HP1BP3: variants seen among roughly 807,000 people sequenced by gnomAD.
HP1BP3 encodes heterochromatin protein 1 binding protein 3, also known as heterochromatin protein 1-binding protein 3.
Under a neutral mutation model 62.5 loss-of-function variants are expected in HP1BP3, and 12 were observed. The ratio of observed to expected loss-of-function variants is 0.19; its 90% CI spans 0.12 to 0.31. The LOEUF (loss-of-function observed/expected upper bound fraction) is 0.31, where lower values mean the gene tolerates loss of function less well. HP1BP3 is among the 10% of genes least tolerant of loss of function. The pLI is 1.00. For missense variants in HP1BP3, 502 were observed against 651.8 expected (o/e 0.77, Z 2.50); for synonymous variants, 260 against 237.8 (o/e 1.09, Z -0.86).
At chr1:20,770,422 C>A (rs1197618872) in intron 6 of HP1BP3, among the ~76,000 whole-genome samples, 3 of 152,142 alleles carry the variant, frequency 2.0e-5, no homozygotes, top group African/African-American at 7.2e-5. Flanking sequence ...CTCAAGCGGT[C>A]CTCCTGCCTC....
intron 9 of HP1BP3, among the ~76,000 whole-genome samples, chr1:20,750,421 G>A (rs976294045): frequency 7.2e-6 from 1 of 139,608 alleles, no homozygotes; most frequent in African/African-American, 2.6e-5. Flanking sequence ...TCAGCTACTT[G>A]GGAGGCTGAG....
At chr1:20,767,375 G>GCA (rs1249938757) in intron 7 of HP1BP3, among the ~76,000 whole-genome samples, 1 of 152,158 alleles carries the variant, frequency 6.6e-6, no homozygotes, top group Non-Finnish European at 1.5e-5. Context: ...GCACTTAAGA[G>GCA]CACAGGCTTA....
chr1:20,767,778 G>GGA, intron 6 of HP1BP3, 114 bp from the exon 7 acceptor site: 1 of 478,286 alleles, frequency 2.1e-6, no homozygotes, highest in Admixed American at 4.0e-5. Flanking sequence ...CTTCTTCAGA[G>GGA]AAAAAAAAAA....
At chr1:20,764,586 T>C (rs2056668846) in intron 8 of HP1BP3, among the ~76,000 whole-genome samples, 2 of 150,422 alleles carry the variant, frequency 1.3e-5, no homozygotes, top group African/African-American at 2.4e-5. Flanking sequence ...AGATATTTCA[T>C]ATCTGAGAAG....
chr1:20,776,009 CAA>C (rs67814500), intron 4 of HP1BP3: 25,584 of 1,172,170 alleles, frequency 0.022, no homozygotes, highest in South Asian at 0.042. Flanking sequence ...AGCTCTCCTG[CAA>C]AAAAAAAAAA....
chr1:20,759,124 G>A (rs533821615), intron 8 of HP1BP3, among the ~76,000 whole-genome samples: 1 of 152,314 alleles, frequency 6.6e-6, no homozygotes, highest in South Asian at 2.1e-4. Context: ...TAAGTGGCCG[G>A]GCGAGGTGGC....
chr1:20,750,869 T>C (rs1428900311), intron 9 of HP1BP3, among the ~76,000 whole-genome samples: 1 of 146,342 alleles, frequency 6.8e-6, no homozygotes, highest in East Asian at 2.1e-4. Flanking sequence ...CCAGGCTGGA[T>C]TGCAATGACG....
At chr1:20,771,365 AG>A (rs1376885202) in intron 5 of HP1BP3, among the ~76,000 whole-genome samples, 1 of 152,248 alleles carries the variant, frequency 6.6e-6, no homozygotes, top group African/African-American at 2.4e-5. Context: ...TTCTGTATTT[AG>A]AAGATGAATC....
Position 20,743,118 on chromosome 1 carries a change from TTTTC to T in HP1BP3, c.*1675_*1678del, listed in dbSNP as rs1449561073. 4.6e-5 allele frequency: 7 copies of T among 150,984 alleles called. No homozygotes were observed. The highest frequency in any genetic ancestry group is 1.5e-4 in the African/African-American group (6 of 40,816). 9.4% of individuals were successfully genotyped at this position (150,984 alleles called of 1,614,324 possible). A position where few individuals can be genotyped will look rare whatever the true frequency, so the allele number is the denominator to read the frequency against. ...AGTTGGGCTTCATTTACTTTTTTCCTTTTCTTTTTTTTTTTAATATCTCAAAAAG... is the reference window on the plus strand; with the variant it reads ...AGTTGGGCTTCATTTACTTTTTTCCTTTTTTTTTTTTAATATCTCAAAAAG... On this transcript the variant is annotated 3_prime_UTR_variant, in exon 13 of 13. Coordinates refer to ENST00000438032, the MANE Select transcript of HP1BP3 (RefSeq NM_001372052.1).
intron 1 of HP1BP3, among the ~76,000 whole-genome samples, chr1:20,785,584 C>A (rs1570699420): frequency 6.6e-6 from 1 of 152,160 alleles, no homozygotes; most frequent in Non-Finnish European, 1.5e-5. Flanking sequence ...CAAACATATA[C>A]TCAGTGTCTG....
rs555427248 is a variant in HP1BP3 at position 20,779,678 on chromosome 1, C to A, written c.196+134G>T. Reference sequence around the variant, plus strand: ...AATGACATACCAATAGCTACTGATTCTCTCTAAATGTTTCCCCAAAACACT... The same window carrying A: ...AATGACATACCAATAGCTACTGATTATCTCTAAATGTTTCCCCAAAACACT... On this transcript the variant is annotated intron_variant, in intron 3 of 12. Transcript: ENST00000438032. The A allele has an allele frequency of 2.7e-4, 144 of 534,220 alleles. 3 individuals are homozygous for A. Among genetic ancestry groups the A allele is most frequent in the Non-Finnish European group, 7.8e-5 (24 of 307,268 alleles). 33.1% of individuals were successfully genotyped at this position (534,220 alleles called of 1,614,324 possible). A position where few individuals can be genotyped will look rare whatever the true frequency, so the allele number is the denominator to read the frequency against.
At chr1:20,749,982 T>C (rs1002545130) in intron 9 of HP1BP3, 100 bp from the exon 10 acceptor site, 3 of 1,506,386 alleles carry the variant, frequency 2.0e-6, no homozygotes, top group African/African-American at 1.4e-5. Flanking sequence ...GTTCCTGCAT[T>C]AGCACAGATA....
intron 9 of HP1BP3, among the ~76,000 whole-genome samples, chr1:20,753,799 A>C (rs1325012885): frequency 6.6e-6 from 1 of 152,198 alleles, no homozygotes; most frequent in Non-Finnish European, 1.5e-5. Context: ...CTGAAAAACC[A>C]CTTGACAAAT....
chr1:20,776,066 A>C (rs1205722517), intron 4 of HP1BP3: 13 of 1,359,318 alleles, frequency 9.6e-6, no homozygotes, highest in Non-Finnish European at 1.1e-5. Flanking sequence ...CTTTATATAG[A>C]TACACATCAA....
At chr1:20,761,034 T>TAGTA (rs2056438065) in intron 8 of HP1BP3, among the ~76,000 whole-genome samples, 1 of 152,008 alleles carries the variant, frequency 6.6e-6, no homozygotes, top group African/African-American at 2.4e-5. Flanking sequence ...GTCTGTTTAC[T>TAGTA]GATATATTTT....
At chr1:20,763,844 C>T (rs913509092) in intron 8 of HP1BP3, among the ~76,000 whole-genome samples, 5 of 152,082 alleles carry the variant, frequency 3.3e-5, no homozygotes, top group African/African-American at 1.2e-4. Flanking sequence ...TTATTGAAGC[C>T]TGAATTCTCA....
At chr1:20,747,490 G>T in intron 11 of HP1BP3, 54 bp downstream of exon 11, 1 of 1,059,882 alleles carries the variant, frequency 9.4e-7, no homozygotes, top group Non-Finnish European at 1.4e-6. Context: ...ATTAAACTGA[G>T]TGTGTAACTT....
intron 1 of HP1BP3, among the ~76,000 whole-genome samples, chr1:20,785,501 G>A (rs761407922): frequency 6.6e-6 from 1 of 152,184 alleles, no homozygotes; most frequent in African/African-American, 2.4e-5. Flanking sequence ...AACGAGTCAT[G>A]TCACAAAAAG....
chr1:20,775,614 A>G (rs564059274), intron 4 of HP1BP3: 42 of 176,528 alleles, frequency 2.4e-4, no homozygotes, highest in Non-Finnish European at 2.5e-4. Context: ...ACAACTTCCA[A>G]TCCTTTAAGG....
Sources: gnomAD v4.1 joint callset for allele counts (sites outside exome capture counted in the v4.1 genomes callset) on GRCh38, gnomAD v4.1.1 for gene constraint, MANE v1.5 for transcripts, NCBI Gene and HGNC (gene_info 2026-07-23, HGNC 2026-07-21) for gene names.